The following GRM4 variants were observed in gnomAD, a reference collection of about 807,000 sequenced individuals.
The protein encoded by GRM4 is glutamate metabotropic receptor 4.
Under a neutral mutation model 81.7 loss-of-function variants are expected in GRM4, and 28 were observed. That is an observed-to-expected ratio of 0.34 (90% CI 0.25 to 0.47). The LOEUF (loss-of-function observed/expected upper bound fraction) is 0.47. Among genes scored for constraint, GRM4 ranks in the 20% least tolerant of loss-of-function variants. The pLI, the probability that GRM4 is intolerant of heterozygous loss-of-function variation, is 1.00. For synonymous variants in GRM4, 488 were observed against 528.8 expected (o/e 0.92, Z 1.06); for missense variants, 948 against 1,290.0 (o/e 0.73, Z 4.06).
rs1581616399 is a variant in GRM4 at position 34,048,450 on chromosome 6, G to A, written c.1169-7702C>T. Among the ~76,000 whole-genome samples the A allele has an allele frequency of 6.6e-6, 1 of 152,232 alleles. No individual in the cohort carries two copies. The highest frequency in any genetic ancestry group is 1.5e-5 in the Non-Finnish European group (1 of 68,002). The stretch of plus-strand genomic sequence containing the variant: ...GGGGCTCAGCTCTCCCACACAGGAG[G>A]GGCTGGGGCTGGGGGTGGGGGAACT... On this transcript the variant is annotated intron_variant, in intron 6 of 10. Transcript: ENST00000538487. The surrounding 1 kb of genome is among the most constrained non-coding windows in gnomAD (Gnocchi z 4.0).
chr6:34,135,583 G>A (rs1277343514), intron 1 of GRM4, among the ~76,000 whole-genome samples: 1 of 152,204 alleles, frequency 6.6e-6, no homozygotes, highest in African/African-American at 2.4e-5. Context: ...AGGGACCTAG[G>A]ACTAGGGGCC....
intron 3 of GRM4, among the ~76,000 whole-genome samples, chr6:34,071,587 A>G (rs1173430613): frequency 2.3e-5 from 3 of 132,528 alleles, no homozygotes; most frequent in South Asian, 2.5e-4. Flanking sequence ...CACACACATC[A>G]CCACACAGAT....
chr6:34,139,153 CG>C (rs1554135297), intron 1 of GRM4, among the ~76,000 whole-genome samples: 1 of 152,206 alleles, frequency 6.6e-6, no homozygotes, highest in Non-Finnish European at 1.5e-5. Context: ...TTCCTTCCCC[CG>C]TGAGCTGCTC....
intron 3 of GRM4, among the ~76,000 whole-genome samples, chr6:34,075,256 C>T (rs1430703168): frequency 6.6e-6 from 1 of 152,178 alleles, no homozygotes; most frequent in Non-Finnish European, 1.5e-5. Flanking sequence ...AAGTTTCTTC[C>T]CACCTTCCCC....
intron 2 of GRM4, among the ~76,000 whole-genome samples, chr6:34,102,487 T>C (rs977106872): frequency 6.6e-6 from 1 of 152,048 alleles, no homozygotes; most frequent in African/African-American, 2.4e-5. Context: ...CAGATATGCA[T>C]GTGGCTCGCT....
intron 2 of GRM4, among the ~76,000 whole-genome samples, chr6:34,120,272 A>T (rs1769757992): frequency 6.6e-6 from 1 of 152,024 alleles, no homozygotes; most frequent in African/African-American, 2.4e-5. Context: ...TCCCTCCACG[A>T]GGCCTCAGCA....
intron 2 of GRM4, among the ~76,000 whole-genome samples, chr6:34,125,617 G>A (rs2127506949): frequency 6.6e-6 from 1 of 152,384 alleles, no homozygotes; most frequent in Admixed American, 6.5e-5. Context: ...CCACAGGGAA[G>A]GGCCTGCCCA....
At chr6:34,051,497 T>C (rs909705881) in intron 6 of GRM4, among the ~76,000 whole-genome samples, 4 of 152,138 alleles carry the variant, frequency 2.6e-5, no homozygotes, top group African/African-American at 9.7e-5. Context: ...AGGCAGTAAA[T>C]TTTTCCTATC....
chr6:34,101,899 A>C, intron 2 of GRM4: 2 of 836,786 alleles, frequency 2.4e-6, no homozygotes, highest in Non-Finnish European at 1.8e-6. Flanking sequence ...CGAGGCTGCC[A>C]GAGAGTGATC....
intron 6 of GRM4, chr6:34,055,992 T>A (rs1765852884): frequency 6.6e-6 from 1 of 152,424 alleles, no homozygotes; most frequent in Non-Finnish European, 1.5e-5. Flanking sequence ...GTTTTGTTTC[T>A]TCTGCACATT....
rs150447608 is a variant in GRM4 at position 34,120,452 on chromosome 6, G to A, written c.519+12526C>T. On this transcript the variant is annotated intron_variant, in intron 2 of 10. Coordinates refer to ENST00000538487, the MANE Select transcript of GRM4 (RefSeq NM_000841.4). ...TTGTTGTACTTTCCTAATTGATTTT[G>A]TGTCTGTGTCCCTGGGATACTTAGG... 3.3e-3 allele frequency among the ~76,000 whole-genome samples: 505 copies of A among 152,262 alleles called. 1 individual carries two copies. Among genetic ancestry groups the A allele is most frequent in the Middle Eastern group, 0.01 (3 of 294 alleles).
At chr6:34,109,470 C>A (rs1367460459) in intron 2 of GRM4, among the ~76,000 whole-genome samples, 1 of 152,124 alleles carries the variant, frequency 6.6e-6, no homozygotes, top group East Asian at 1.9e-4. Context: ...GGGCCACCCA[C>A]CCCAGTCAGC....
At chr6:34,053,909 C>T (rs562117438) in intron 6 of GRM4, among the ~76,000 whole-genome samples, 1 of 152,234 alleles carries the variant, frequency 6.6e-6, no homozygotes, top group African/African-American at 2.4e-5. Context: ...CTAGGCCCCA[C>T]CCCTAAGGTT....
intron 3 of GRM4, among the ~76,000 whole-genome samples, chr6:34,082,413 T>A (rs143263640): frequency 4.3e-4 from 65 of 152,262 alleles, no homozygotes; most frequent in African/African-American, 1.5e-3. Flanking sequence ...TGCTTGACCC[T>A]CCATGTGGCA....
At position 34,040,661 on chromosome 6, in the gene GRM4, G is replaced by C. The variant is rs1447936597; in HGVS notation, c.1256C>G (p.Ala419Gly). The C allele has an allele frequency of 6.2e-7, 1 of 1,613,938 alleles. No homozygotes were observed. Among genetic ancestry groups the C allele is most frequent in the South Asian group, 1.1e-5 (1 of 91,082 alleles). ...CAGGTCACGGTGCATGGCGTGCAGCGCGTGGCCCATGGCGTACACGGCATC... is the reference window on the plus strand; with the variant it reads ...CAGGTCACGGTGCATGGCGTGCAGCCCGTGGCCCATGGCGTACACGGCATC... ...VIDAVYAMGH[A>G]LHAMHRDLCP... Residue 419 changes from alanine (A) to glycine (G), a missense_variant, in exon 7 of 11, where the codon GCG becomes GGG. Physicochemically the swap from Ala to Gly is moderately conservative, Grantham distance 60. Transcript: ENST00000538487.
chr6:34,107,592 G>C (rs766480760), intron 2 of GRM4, among the ~76,000 whole-genome samples: 1 of 152,168 alleles, frequency 6.6e-6, no homozygotes, highest in Non-Finnish European at 1.5e-5. Context: ...GCAGCATTAC[G>C]CTGACACCTG....
At chr6:34,072,533 CCA>C (rs1285901902) in intron 3 of GRM4, among the ~76,000 whole-genome samples, 1 of 152,036 alleles carries the variant, frequency 6.6e-6, no homozygotes, top group Non-Finnish European at 1.5e-5. Context: ...CATAGATACC[CCA>C]CACACAGACT....
intron 8 of GRM4, among the ~76,000 whole-genome samples, chr6:34,039,710 C>T (rs918813872): frequency 6.6e-6 from 1 of 152,148 alleles, no homozygotes; most frequent in South Asian, 2.1e-4. Context: ...TCACTACCCA[C>T]CAGTCAGTGG....
intron 6 of GRM4, among the ~76,000 whole-genome samples, chr6:34,052,131 G>T (rs988274304): frequency 6.6e-6 from 1 of 152,196 alleles, no homozygotes; most frequent in African/African-American, 2.4e-5. Flanking sequence ...CAGGCTGGAG[G>T]TGCCAAGGAA....
Sources: allele counts gnomAD v4.1 joint callset (sites outside exome capture counted in the v4.1 genomes callset), GRCh38; gene constraint gnomAD v4.1.1; non-coding constraint Gnocchi (gnomAD v3.1); transcripts MANE v1.5; gene names NCBI Gene and HGNC (gene_info 2026-07-23, HGNC 2026-07-21).